The following PRR14L variants were observed in gnomAD, a reference collection of about 807,000 sequenced individuals.
PRR14L encodes the protein proline rich 14 like.
A neutral mutation model predicts 155.0 loss-of-function variants in PRR14L; 80 were observed. The observed-to-expected ratio is 0.52, with a 90% CI of 0.43 to 0.62. The LOEUF (loss-of-function observed/expected upper bound fraction) is 0.62, where lower values mean the gene tolerates loss of function less well. PRR14L is among the 20% of genes least tolerant of loss of function. PRR14L has a pLI of 0.00. For missense variants in PRR14L, 2,469 were observed against 2,548.0 expected, an observed-to-expected ratio of 0.97 and a Z score of 0.67; for synonymous variants, 883 against 916.0, an observed-to-expected ratio of 0.96 and a Z score of 0.65.
intron 2 of PRR14L, among the ~76,000 whole-genome samples, chr22:31,732,323 A>C (rs1301807407): frequency 6.6e-6 from 1 of 152,194 alleles, no homozygotes; most frequent in East Asian, 1.9e-4. Context: ...AGCCTTAGCT[A>C]GCATCTGGGA....
At chr22:31,740,640 C>T (rs2074807794) in intron 1 of PRR14L, among the ~76,000 whole-genome samples, 1 of 152,090 alleles carries the variant, frequency 6.6e-6, no homozygotes, top group South Asian at 2.1e-4. Context: ...GGATTATAGG[C>T]ACAAGTCACC....
rs755583793 is a variant in PRR14L, at chr22:31,712,185, A to G, written c.5654T>C (p.Leu1885Pro). Residue 1885 changes from leucine to proline, a missense_variant, in exon 4 of 9, where the codon CTA becomes CCA. By Grantham distance (98) the Leu-to-Pro change is moderately conservative. Around this residue, in one of 2 missense-constraint regions of PRR14L, gnomAD observed 2,363 missense variants for 2,371.6 expected, o/e 1.00. Coordinates refer to ENST00000327423, the MANE Select transcript of PRR14L (RefSeq NM_173566.3). ...CSLPYSVGRV[L>P]SIWSQHGPSV... ...AGGACCATGCTGGCTCCAAATGGATAGGACTCTGCCCACCGAGTAGGGCAG... is the reference window on the plus strand; with the variant it reads ...AGGACCATGCTGGCTCCAAATGGATGGGACTCTGCCCACCGAGTAGGGCAG... The G allele has an allele frequency of 6.2e-7, 1 of 1,614,100 alleles. No homozygotes were observed. Among genetic ancestry groups the G allele is most frequent in the Non-Finnish European group, 8.5e-7 (1 of 1,179,986 alleles).
At chr22:31,686,429 C>A (rs2074483136) in intron 8 of PRR14L, among the ~76,000 whole-genome samples, 1 of 149,980 alleles carries the variant, frequency 6.7e-6, no homozygotes, top group Admixed American at 6.7e-5. Flanking sequence ...AAAAAAAAAA[C>A]TTTTTTTTTG....
chr22:31,747,255 C>T (rs907297927), intron 1 of PRR14L, among the ~76,000 whole-genome samples: 1 of 151,718 alleles, frequency 6.6e-6, no homozygotes, highest in South Asian at 2.1e-4. Context: ...GGATTACAGG[C>T]ATGTGCCACC....
At position 31,715,144 on chromosome 22, in the gene PRR14L, T is replaced by C; in HGVS notation, c.2695A>G (p.Ser899Gly). ...TCCTTTCCTTCCAGCCCTTCCTCAC[T>C]GAGTTTGATGCTACTGGAGGTGTGA... ...TIHTSSSIKLSEEGLEGKEQD... is the reference protein window; with the variant it reads ...TIHTSSSIKLGEEGLEGKEQD... Residue 899 changes from serine to glycine, a missense_variant, in exon 4 of 9, where the codon AGT becomes GGT. Physicochemically the swap from Ser to Gly is moderately conservative, Grantham distance 56. Transcript: ENST00000327423. 1.3e-6 allele frequency: 2 copies of C among 1,551,510 alleles called. No homozygotes were observed. Among genetic ancestry groups the C allele is most frequent in the South Asian group, 1.2e-5 (1 of 84,052 alleles).
In PRR14L at chr22:31,712,566, T is replaced by C. The variant is rs2074629636; in HGVS notation, c.5273A>G (p.Gln1758Arg). The C allele has an allele frequency of 6.4e-7, 1 of 1,551,564 alleles. No homozygotes were observed. The highest frequency in any genetic ancestry group is 8.7e-7 in the Non-Finnish European group (1 of 1,146,994). The change falls in exon 4 of 9, where the codon CAA becomes CGA. Residue 1758 changes from glutamine (Q) to arginine (R), a missense_variant. Gln to Arg is a conservative substitution (Grantham distance 43). Around this residue, in one of 2 missense-constraint regions of PRR14L, gnomAD observed 2,363 missense variants for 2,371.6 expected, o/e 1.00. Transcript: ENST00000327423. The part of the protein sequence containing the change: ...ALGEALQCPS[Q>R]PPKWTFSFFL... Reference sequence around the variant, plus strand: ...GAAAGAAAAGGTCCACTTGGGAGGTTGAGACGGGCACTGGAGGGCCTCTCC... The same window carrying C: ...GAAAGAAAAGGTCCACTTGGGAGGTCGAGACGGGCACTGGAGGGCCTCTCC...
chr22:31,695,797 G>T (rs1053679963), intron 7 of PRR14L, among the ~76,000 whole-genome samples: 3 of 152,100 alleles, frequency 2.0e-5, no homozygotes, highest in African/African-American at 7.2e-5. Context: ...CTCCAACCTT[G>T]AGGGAGGTGG....
intron 3 of PRR14L, among the ~76,000 whole-genome samples, chr22:31,721,410 T>C (rs1376411550): frequency 6.6e-6 from 1 of 151,996 alleles, no homozygotes; most frequent in Non-Finnish European, 1.5e-5. Flanking sequence ...CAACTAAAAA[T>C]ACAAAAAATT....
chr22:31,700,187 G>T (rs1156285074), intron 7 of PRR14L, among the ~76,000 whole-genome samples: 1 of 152,070 alleles, frequency 6.6e-6, no homozygotes, highest in East Asian at 1.9e-4. Context: ...CATATAACTT[G>T]AAAGAAGTGG....
chr22:31,749,286 G>T (rs559583560), intron 1 of PRR14L, among the ~76,000 whole-genome samples: 6 of 152,138 alleles, frequency 3.9e-5, no homozygotes, highest in Non-Finnish European at 8.8e-5. Context: ...ATAATGCAAG[G>T]GAAAGGAGCT....
At chr22:31,700,819 G>C (rs996162030) in intron 7 of PRR14L, among the ~76,000 whole-genome samples, 3 of 152,148 alleles carry the variant, frequency 2.0e-5, no homozygotes, top group Non-Finnish European at 4.4e-5. Flanking sequence ...CTCCCAAAGT[G>C]CTGGGATTAC....
intron 3 of PRR14L, among the ~76,000 whole-genome samples, chr22:31,720,441 G>A (rs1352127385): frequency 2.6e-5 from 4 of 152,106 alleles, no homozygotes; most frequent in Non-Finnish European, 5.9e-5. Flanking sequence ...TCAAGAATTT[G>A]TAAATACACA....
intron 2 of PRR14L, among the ~76,000 whole-genome samples, chr22:31,730,579 T>A (rs988676784): frequency 2.0e-5 from 3 of 152,242 alleles, no homozygotes; most frequent in Non-Finnish European, 2.9e-5. Context: ...CAAACTTCTA[T>A]CACTTGGTTT....
At chr22:31,701,010 G>A (rs201894358) in intron 7 of PRR14L, among the ~76,000 whole-genome samples, 2 of 149,502 alleles carry the variant, frequency 1.3e-5, no homozygotes, top group Non-Finnish European at 3.0e-5. Context: ...TTTTTGAGAC[G>A]GAGTTTTGCT....
chr22:31,684,270 A>G lies in PRR14L; in HGVS notation c.*1257T>C, dbSNP rs1179438213. On this transcript the variant is annotated 3_prime_UTR_variant, in exon 9 of 9. Transcript: ENST00000327423. ...CGGTAGATGTGACGTAGGAGCCCAG[A>G]GTACAATGAGGTGGCCCTCAAAGAA... 1 of 152,296 alleles carries G rather than the reference A, an allele frequency of 6.6e-6. No homozygotes were observed. Among genetic ancestry groups the G allele is most frequent in the Non-Finnish European group, 1.5e-5 (1 of 68,040 alleles). 9.4% of individuals were successfully genotyped at this position (152,296 alleles called of 1,614,324 possible).
chr22:31,709,921 C>A (rs1354063891), intron 4 of PRR14L, among the ~76,000 whole-genome samples: 2 of 152,002 alleles, frequency 1.3e-5, no homozygotes, highest in African/African-American at 4.8e-5. Flanking sequence ...GCATGAGCCA[C>A]CGTAGCCAGC....
chr22:31,703,890 C>T lies in PRR14L; in HGVS notation c.5829-169G>A, dbSNP rs550983913. 1.6e-4 allele frequency among the ~76,000 whole-genome samples: 24 copies of T among 151,962 alleles called. No homozygotes were observed. The East Asian group carries it at 4.3e-3, about 27-fold the overall frequency. On this transcript the variant is annotated intron_variant, in intron 5 of 8. Transcript: ENST00000327423. ...TCGGCTCAATGCAGCCTCTGCCTCC[C>T]GGGTTCAAGCAATTCTCCTGCCTCA...
intron 1 of PRR14L, among the ~76,000 whole-genome samples, chr22:31,744,751 C>T (rs1800623596): frequency 6.6e-6 from 1 of 152,192 alleles, no homozygotes; most frequent in Admixed American, 6.5e-5. Context: ...TTTCCATCCC[C>T]ACAGTTCTAG....
At chr22:31,720,750 A>G (rs991081163) in intron 3 of PRR14L, among the ~76,000 whole-genome samples, 4 of 152,120 alleles carry the variant, frequency 2.6e-5, no homozygotes, top group African/African-American at 9.7e-5. Flanking sequence ...AAATAAAATA[A>G]AATAAAAATA....
Sources: allele counts gnomAD v4.1 joint callset (sites outside exome capture counted in the v4.1 genomes callset), GRCh38; gene constraint gnomAD v4.1.1; regional missense constraint gnomAD v4.1.1; transcripts MANE v1.5; gene names NCBI Gene and HGNC (gene_info 2026-07-23, HGNC 2026-07-21).